NFIA: variants seen among roughly 807,000 people sequenced by gnomAD.
The protein encoded by NFIA is nuclear factor 1 A-type.
Under a neutral mutation model 62.8 loss-of-function variants are expected in NFIA, and 8 were observed. The ratio of observed to expected loss-of-function variants is 0.13; its 90% CI spans 0.07 to 0.23. NFIA has a LOEUF of 0.23. Ranked by LOEUF, NFIA falls within the 10% of genes least tolerant of loss-of-function variation. The probability of loss-of-function intolerance (pLI) is 1.00; values close to 1 mark genes in which losing one functional copy is unlikely to be tolerated. For synonymous variants in NFIA, 235 were observed against 238.1 expected (o/e 0.99, Z 0.12); for missense variants, 410 against 642.1 (o/e 0.64, Z 3.91).
At chr1:61,090,637 G>T (rs1646303955) in intron 2 of NFIA, among the ~76,000 whole-genome samples, 1 of 152,140 alleles carries the variant, frequency 6.6e-6, no homozygotes, top group Non-Finnish European at 1.5e-5. Flanking sequence ...CATTTAGAAG[G>T]TTACTTAGGA....
chr1:61,225,293 C>G (rs1230374959), intron 2 of NFIA, among the ~76,000 whole-genome samples: 2 of 151,714 alleles, frequency 1.3e-5, no homozygotes, highest in Non-Finnish European at 1.5e-5. Context: ...GCTTTGTTGC[C>G]AGGCTGGAGT....
chr1:61,299,177 T>G (rs1659358162), intron 3 of NFIA, among the ~76,000 whole-genome samples: 1 of 152,198 alleles, frequency 6.6e-6, no homozygotes, highest in Admixed American at 6.5e-5. Context: ...CCTTGACAGA[T>G]TCCCATCCGG....
chr1:61,185,234 A>G (rs1651084027), intron 2 of NFIA, among the ~76,000 whole-genome samples: 1 of 152,200 alleles, frequency 6.6e-6, no homozygotes, highest in Admixed American at 6.5e-5. Context: ...GTTTCCACAT[A>G]TGTATAATGA....
intron 6 of NFIA, among the ~76,000 whole-genome samples, chr1:61,371,567 G>T (rs1663888928): frequency 6.6e-6 from 1 of 152,128 alleles, no homozygotes; most frequent in Non-Finnish European, 1.5e-5. Flanking sequence ...TAATTTATTA[G>T]AAATGTCATT....
chr1:61,322,093 G>T (rs1557705323), intron 3 of NFIA, among the ~76,000 whole-genome samples: 1 of 152,062 alleles, frequency 6.6e-6, no homozygotes, highest in Admixed American at 6.6e-5. Context: ...TCCTAATTTT[G>T]CCACTATCTG....
chr1:61,137,963 T>TTTTC (rs1382247946), intron 2 of NFIA, among the ~76,000 whole-genome samples: 12 of 151,980 alleles, frequency 7.9e-5, no homozygotes, highest in Non-Finnish European at 1.8e-4. Context: ...CTTTTTTTTT[T>TTTTC]TTTCTATTGA....
chr1:61,406,542 T>TTGGGGGGGGGGG lies in NFIA; in HGVS notation c.1255-20_1255-19insTGGGGGGGGGGG. On this transcript the variant is annotated intron_variant, in intron 8 of 10. Coordinates refer to ENST00000403491, the MANE Select transcript of NFIA (RefSeq NM_001134673.4). The stretch of plus-strand genomic sequence containing the variant: ...TTCTTTTTCTTGTACGTGTGTTTTC[T>TTGGGGGGGGGGG]GCCCCCCCCCCCCCCACAGCCCAAT... 3.2e-6 allele frequency: 4 copies of TTGGGGGGGGGGG among 1,253,826 alleles called. No homozygotes were observed. The highest frequency in any genetic ancestry group is 4.3e-6 in the Non-Finnish European group (4 of 931,744). The allele number at this position is 1,253,826 out of a possible 1,614,324, so 77.7% of individuals were successfully genotyped here. A position where few individuals can be genotyped will look rare whatever the true frequency, so the allele number is the denominator to read the frequency against.
intron 10 of NFIA, among the ~76,000 whole-genome samples, chr1:61,444,358 G>A (rs965855887): frequency 1.1e-4 from 17 of 152,100 alleles, no homozygotes; most frequent in Admixed American, 7.2e-4. Context: ...TAATACTAAC[G>A]AGAACTTGGT....
intron 2 of NFIA, among the ~76,000 whole-genome samples, chr1:61,126,947 A>T (rs1646984938): frequency 6.6e-6 from 1 of 151,028 alleles, no homozygotes; most frequent in Non-Finnish European, 1.5e-5. Flanking sequence ...ACCACGTCCG[A>T]CTGTCCGACT....
At chr1:61,089,685 G>GTTTTTTTTT (rs959067137) in intron 2 of NFIA, among the ~76,000 whole-genome samples, 2 of 118,176 alleles carry the variant, frequency 1.7e-5, no homozygotes, top group African/African-American at 6.6e-5. Context: ...AATATTTAAC[G>GTTTTTTTTT]TTTTTTTTTC....
intron 3 of NFIA, among the ~76,000 whole-genome samples, chr1:61,326,849 CAG>C (rs914802742): frequency 2.1e-4 from 32 of 151,946 alleles, no homozygotes; most frequent in African/African-American, 7.5e-4. Flanking sequence ...GGAGCTGTAT[CAG>C]GGGATGGCAG....
chr1:61,329,987 G>T (rs1380906876), intron 3 of NFIA, among the ~76,000 whole-genome samples: 1 of 152,216 alleles, frequency 6.6e-6, no homozygotes, highest in African/African-American at 2.4e-5. Flanking sequence ...CACAGAAGCG[G>T]TGGGGACTGG....
At position 61,456,942 on chromosome 1, in the gene NFIA, A is replaced by G. The variant is rs1668335893; in HGVS notation, c.*1622A>G. ...TTCAAGAAGGTTTCCTATACTATAC[A>G]TATATATACGTTCTGGTTGGCAAGC... On this transcript the variant is annotated 3_prime_UTR_variant, in exon 11 of 11. Transcript: ENST00000403491. 6.6e-6 allele frequency: 1 copy of G among 152,084 alleles called. No homozygotes were observed. The highest frequency in any genetic ancestry group is 1.5e-5 in the Non-Finnish European group (1 of 68,008). The allele number at this position is 152,084 out of a possible 1,614,324, so 9.4% of individuals were successfully genotyped here.
At chr1:61,199,847 T>A (rs1468523343) in intron 2 of NFIA, among the ~76,000 whole-genome samples, 2 of 150,688 alleles carry the variant, frequency 1.3e-5, no homozygotes, top group Non-Finnish European at 3.0e-5. Context: ...ATACAAAAAT[T>A]AGCCGGGCGT....
At chr1:61,267,905 T>C (rs1657272244) in intron 2 of NFIA, among the ~76,000 whole-genome samples, 1 of 152,096 alleles carries the variant, frequency 6.6e-6, no homozygotes, top group Non-Finnish European at 1.5e-5. Flanking sequence ...AAAGGCACCA[T>C]AGTAGATGCC....
At chr1:61,433,748 A>G (rs550718014) in intron 10 of NFIA, among the ~76,000 whole-genome samples, 1 of 152,230 alleles carries the variant, frequency 6.6e-6, no homozygotes, top group Non-Finnish European at 1.5e-5. Flanking sequence ...AGCTATTGTT[A>G]TTATTGTTAT....
In NFIA at chr1:61,264,631, A is replaced by G. The variant is rs551996586; in HGVS notation, c.560-12889A>G. On this transcript the variant is annotated intron_variant, in intron 2 of 10. Transcript: ENST00000403491. ...GCACCATTGCACTCCAGCCTGGGCG[A>G]TAAGAGCAAAACTCCACCTTACAAA... Among the ~76,000 whole-genome samples, 13 of 140,032 alleles carry G rather than the reference A, an allele frequency of 9.3e-5. No individual in the cohort carries two copies. The East Asian group carries it at 1.9e-3, about 21-fold the overall frequency. 91.9% of individuals were successfully genotyped at this position (140,032 alleles called of 152,430 possible). A position where few individuals can be genotyped will look rare whatever the true frequency, so the allele number is the denominator to read the frequency against.
intron 2 of NFIA, among the ~76,000 whole-genome samples, chr1:61,238,267 G>T (rs939046451): frequency 2.6e-5 from 4 of 152,170 alleles, no homozygotes; most frequent in African/African-American, 7.2e-5. Context: ...TTGGGAGTAA[G>T]TGGGTTACTC....
chr1:61,185,979 CCTT>C (rs1217041269), intron 2 of NFIA, among the ~76,000 whole-genome samples: 1 of 152,158 alleles, frequency 6.6e-6, no homozygotes, highest in Non-Finnish European at 1.5e-5. Context: ...ACGTTTACTA[CCTT>C]CTTTTCTACC....
Sources: gnomAD v4.1 joint callset for allele counts (sites outside exome capture counted in the v4.1 genomes callset) on GRCh38, gnomAD v4.1.1 for gene constraint, MANE v1.5 for transcripts, NCBI Gene and HGNC (gene_info 2026-07-23, HGNC 2026-07-21) for gene names.